Variants in TENM1 observed in about 807,000 individuals in gnomAD.
The protein encoded by TENM1 is teneurin-1.
A neutral mutation model predicts 174.8 loss-of-function variants in TENM1; 35 were observed. The ratio of observed to expected loss-of-function variants is 0.20; its 90% CI spans 0.15 to 0.27. TENM1 has a LOEUF of 0.27. Ranked by LOEUF, TENM1 falls within the 10% of genes least tolerant of loss-of-function variation. TENM1 has a pLI of 1.00. For synonymous variants in TENM1, 781 were observed against 798.7 expected (o/e 0.98, Z 0.37); for missense variants, 1,633 against 2,130.1 (o/e 0.77, Z 4.59).
At chrX:125,087,118 T>C in the TENM1 span, among the ~76,000 whole-genome samples, 3 of 110,731 alleles carry the variant, frequency 2.7e-5, no homozygotes, top group East Asian at 2.8e-4. Context: ...TATGTTTAAG[T>C]AATAGAATAT....
At chrX:124,673,313 G>C (rs1022386438) in intron 5 of TENM1, among the ~76,000 whole-genome samples, 1 of 111,971 alleles carries the variant, frequency 8.9e-6, no homozygotes, top group Non-Finnish European at 1.9e-5. Flanking sequence ...CCATATTGTG[G>C]AGCACACTGG....
At chrX:125,159,333 A>G in the TENM1 span, among the ~76,000 whole-genome samples, 19 of 111,940 alleles carry the variant, frequency 1.7e-4, no homozygotes, top group Non-Finnish European at 3.4e-4. Flanking sequence ...TCTTATGCCC[A>G]TGATTATGTT....
chrX:125,037,730 G>C, the TENM1 span, among the ~76,000 whole-genome samples: 1 of 111,313 alleles, frequency 9.0e-6, no homozygotes, highest in Non-Finnish European at 1.9e-5. Flanking sequence ...CTTACAGACA[G>C]TTCTCATGTT....
At chrX:124,644,210 C>CATATATATATATAT (rs202056765) in intron 10 of TENM1, among the ~76,000 whole-genome samples, 1 of 95,673 alleles carries the variant, frequency 1.0e-5, no homozygotes, top group African/African-American at 3.9e-5. Context: ...TTTACATATA[C>CATATATATATATAT]ATATATATAT....
At chrX:125,178,972 TAAAAA>T in the TENM1 span, among the ~76,000 whole-genome samples, 1 of 99,592 alleles carries the variant, frequency 1.0e-5, no homozygotes, top group Non-Finnish European at 2.1e-5. Context: ...CCCCATCTCC[TAAAAA>T]AAAAAAATGA....
At chrX:125,169,486 C>A in the TENM1 span, among the ~76,000 whole-genome samples, 2 of 111,712 alleles carry the variant, frequency 1.8e-5, no homozygotes, top group Non-Finnish European at 3.8e-5. Flanking sequence ...ATTTGCTGCA[C>A]AGTCAGGCTT....
intron 5 of TENM1, among the ~76,000 whole-genome samples, chrX:124,697,134 A>G (rs1393116038): frequency 9.0e-6 from 1 of 111,424 alleles, no homozygotes; most frequent in Non-Finnish European, 1.9e-5. Context: ...GTCACATCCA[A>G]CCCAATAATC....
Position 124,606,994 on chromosome X carries a change from C to T in TENM1, c.2077+34797G>A, listed in dbSNP as rs145170194. ...AGGGAGAGGCAGAAGAGAAGGAGGA[C>T]GAAAAGGAGGAAGATGTGGAGGAGG... On this transcript the variant is annotated intron_variant, in intron 11 of 31. Coordinates refer to ENST00000422452, the Ensembl canonical transcript of TENM1. 5.8e-3 allele frequency among the ~76,000 whole-genome samples: 625 copies of T among 107,839 alleles called. 4 individuals carry two copies. The highest frequency in any genetic ancestry group is 0.02 in the African/African-American group (595 of 29,543). The allele number at this position is 107,839 out of a possible 115,157, so 93.6% of individuals were successfully genotyped here.
intron 3 of TENM1, among the ~76,000 whole-genome samples, chrX:124,855,916 G>T (rs186878666): frequency 9.0e-6 from 1 of 111,452 alleles, no homozygotes; most frequent in East Asian, 2.8e-4. Context: ...TTGTGGAGAA[G>T]TGTGGGAAGA....
At chrX:124,829,241 TATG>T (rs1185641325) in intron 3 of TENM1, among the ~76,000 whole-genome samples, 21 of 112,365 alleles carry the variant, frequency 1.9e-4, no homozygotes, top group African/African-American at 6.5e-4. Flanking sequence ...TCCCTCTAAA[TATG>T]ATAACACTTT....
chrX:124,771,229 T>C (rs2054646844), intron 3 of TENM1, among the ~76,000 whole-genome samples: 1 of 112,789 alleles, frequency 8.9e-6, no homozygotes, highest in African/African-American at 3.2e-5. Context: ...TTTTAAGCTA[T>C]GTTCAGTAAG....
intron 11 of TENM1, among the ~76,000 whole-genome samples, chrX:124,576,877 T>C (rs2858422): frequency 0.24 from 26,817 of 110,704 alleles, 2,441 homozygotes; most frequent in South Asian, 0.42. Flanking sequence ...GTCCCCTTAA[T>C]GCACATCTAA....
At chrX:124,894,209 G>C (rs917123826) in intron 3 of TENM1, 87 bp downstream of exon 6, 22 of 666,459 alleles carry the variant, frequency 3.3e-5, no homozygotes, top group Non-Finnish European at 4.8e-5. Context: ...GTTTGTCAGA[G>C]AAGCAGGGTT....
intron 22 of TENM1, among the ~76,000 whole-genome samples, chrX:124,468,534 T>G: frequency 8.9e-6 from 1 of 112,707 alleles, no homozygotes; most frequent in East Asian, 2.8e-4. Flanking sequence ...TCCCATCTCC[T>G]TATCCCTATC....
intron 3 of TENM1, among the ~76,000 whole-genome samples, chrX:124,842,612 C>G (rs1396982079): frequency 9.0e-6 from 1 of 110,782 alleles, no homozygotes; most frequent in East Asian, 2.9e-4. Flanking sequence ...TTCTGGCATG[C>G]AGATAGCCAC....
chrX:124,865,784 C>T (rs1190376453), intron 3 of TENM1, among the ~76,000 whole-genome samples: 1 of 111,052 alleles, frequency 9.0e-6, no homozygotes, highest in African/African-American at 3.3e-5. Flanking sequence ...CTGTAAAGCA[C>T]ACATAGACTG....
At chrX:124,743,886 T>G (rs1466802342) in intron 3 of TENM1, among the ~76,000 whole-genome samples, 3 of 111,899 alleles carry the variant, frequency 2.7e-5, no homozygotes. Flanking sequence ...CTGGTCTACA[T>G]CCAGAAAGTC....
intron 6 of TENM1, among the ~76,000 whole-genome samples, chrX:124,654,476 GA>G (rs1051423718): frequency 8.9e-6 from 1 of 112,285 alleles, no homozygotes; most frequent in African/African-American, 3.2e-5. Flanking sequence ...GGATGAATGA[GA>G]AAAAGTTACT....
the TENM1 span, among the ~76,000 whole-genome samples, chrX:125,157,277 A>G: frequency 3.9e-3 from 437 of 112,293 alleles, 2 homozygotes; most frequent in African/African-American, 0.014. Flanking sequence ...ACATGTAGAC[A>G]TAAGTTGTTT....
Sources: gnomAD v4.1 joint callset for allele counts (sites outside exome capture counted in the v4.1 genomes callset) on GRCh38, gnomAD v4.1.1 for gene constraint, MANE v1.5 for transcripts, NCBI Gene and HGNC (gene_info 2026-07-23, HGNC 2026-07-21) for gene names.